The following DEFB134 variants were observed in gnomAD, a reference collection of about 807,000 sequenced individuals.
DEFB134 encodes the protein defensin beta 134.
DEFB134 carries 7 observed loss-of-function variants against 7.4 expected under a neutral mutation model. That is an observed-to-expected ratio of 0.95 (90% CI 0.54 to 1.79). The LOEUF (loss-of-function observed/expected upper bound fraction) is 1.79, where lower values mean the gene tolerates loss of function less well. Ranked by LOEUF, DEFB134 falls within the 40% of genes most tolerant of loss-of-function variation. The probability of loss-of-function intolerance (pLI) is 0.00; values close to 1 mark genes in which losing one functional copy is unlikely to be tolerated. For missense variants in DEFB134, 105 were observed against 74.8 expected (o/e 1.40, Z -1.49); for synonymous variants, 33 against 25.0 (o/e 1.32, Z -0.96).
chr8:11,997,773 A>C (rs1800164838), upstream of DEFB134, among the ~76,000 whole-genome samples: 1 of 152,180 alleles, frequency 6.6e-6, no homozygotes, highest in East Asian at 1.9e-4. Context: ...ATAATAACGA[A>C]AGACATTGAC....
upstream of DEFB134, among the ~76,000 whole-genome samples, chr8:11,997,836 T>C (rs1215429743): frequency 1.3e-5 from 2 of 152,146 alleles, no homozygotes; most frequent in African/African-American, 4.8e-5. Flanking sequence ...AATAAAGATA[T>C]TGAGGACCTA....
At chr8:11,997,206 C>T (rs756617845), upstream of DEFB134, among the ~76,000 whole-genome samples, 10 of 152,128 alleles carry the variant, frequency 6.6e-5, no homozygotes, top group Non-Finnish European at 1.3e-4. Context: ...TTCTTTTACT[C>T]AGCATAATTA....
upstream of DEFB134, among the ~76,000 whole-genome samples, chr8:11,997,170 A>G (rs76949811): frequency 0.033 from 5,056 of 152,276 alleles, 281 homozygotes; most frequent in African/African-American, 0.11. Flanking sequence ...ATAGAATAAT[A>G]TATTCTATAC....
chr8:12,000,075 T>G (rs1800231777), upstream of DEFB134, among the ~76,000 whole-genome samples: 1 of 152,250 alleles, frequency 6.6e-6, no homozygotes, highest in African/African-American at 2.4e-5. Flanking sequence ...TGTCTGACCC[T>G]GAGCCATACA....
At chr8:11,996,253 G>A in exon 1 of DEFB134, 3 of 1,613,634 alleles carry the variant, frequency 1.9e-6, no homozygotes, top group African/African-American at 2.7e-5. Flanking sequence ...AGGCTTCATG[G>A]CTGGGAACTT....
intron 1 of DEFB134, 78 bp from the exon 3 acceptor site, chr8:11,994,200 TCCAA>T: frequency 6.8e-7 from 1 of 1,475,584 alleles, no homozygotes; most frequent in Non-Finnish European, 9.1e-7. Flanking sequence ...TCAATTTTTA[TCCAA>T]CCGGATACCA....
chr8:11,996,371 CT>C, upstream of DEFB134: 1 of 1,103,938 alleles, frequency 9.1e-7, no homozygotes, highest in South Asian at 1.4e-5. Flanking sequence ...GTATGCCTCG[CT>C]TCAGGTAGAT....
At chr8:11,993,922 G>C (rs1221746484) in exon 2 of DEFB134, 1 of 1,576,150 alleles carries the variant, frequency 6.3e-7, no homozygotes, top group African/African-American at 1.4e-5. Context: ...CCCTGGTTTT[G>C]TGAAAGATGG....
chr8:11,993,647 T>C (rs4604485), exon 2 of DEFB134: 57,557 of 202,050 alleles, frequency 0.28, 9,943 homozygotes, highest in East Asian at 0.47. Flanking sequence ...GACTTAGGTG[T>C]CAAAAGTTGT....
chr8:11,995,707 T>A (rs1013050634), intron 1 of DEFB134, among the ~76,000 whole-genome samples: 1 of 152,250 alleles, frequency 6.6e-6, no homozygotes, highest in Non-Finnish European at 1.5e-5. Context: ...CAAATTGTGT[T>A]GTCACTATTT....
chr8:11,996,402 T>C, upstream of DEFB134: 1 of 668,724 alleles, frequency 1.5e-6, no homozygotes. Flanking sequence ...TGAACACCCC[T>C]GAGGCAGCCG....
chr8:11,998,175 G>T (rs114925396), upstream of DEFB134, among the ~76,000 whole-genome samples: 2 of 152,138 alleles, frequency 1.3e-5, no homozygotes, highest in Non-Finnish European at 2.9e-5. Context: ...TGGGCCAGGT[G>T]CAGTGGCTCA....
upstream of DEFB134, among the ~76,000 whole-genome samples, chr8:11,999,717 C>T (rs1179159026): frequency 6.6e-6 from 1 of 152,156 alleles, no homozygotes; most frequent in East Asian, 1.9e-4. Flanking sequence ...TTATCTAGAC[C>T]TCCCCTGGCT....
intron 1 of DEFB134, 123 bp from the exon 3 acceptor site, chr8:11,994,245 A>C: frequency 8.1e-7 from 1 of 1,230,928 alleles, no homozygotes; most frequent in Non-Finnish European, 1.1e-6. Context: ...TTGATCCTGT[A>C]ACTGAAAAAA....
intron 1 of DEFB134, 138 bp from the exon 3 acceptor site, chr8:11,994,260 T>A (rs1800060403): frequency 1.9e-6 from 2 of 1,079,708 alleles, no homozygotes; most frequent in African/African-American, 3.2e-5. Flanking sequence ...AAAAAATTAA[T>A]TAGTGGTAGG....
In DEFB134 at chr8:11,994,120, T is replaced by C. The variant is rs774646067; in HGVS notation, c.61A>G (p.Ile21Val). 3.1e-6 allele frequency: 5 copies of C among 1,609,984 alleles called. No individual in the cohort carries two copies. In the Admixed American group the frequency reaches 5.1e-5, roughly 16 times the overall value. Residue 21 changes from isoleucine (I) to valine (V), a missense_variant and splice_region_variant, in exon 2 of 2, where the codon ATA becomes GTA. By Grantham distance (29) the Ile-to-Val change is conservative (BLOSUM62 3). Coordinates refer to ENST00000526438, the Ensembl canonical transcript of DEFB134. The stretch of plus-strand genomic sequence containing the variant: ...TGCATTTCTGATGATAATGAATTTA[T>C]ACCTGGAAGGAAAATGAATAGAAAG...
chr8:11,997,455 C>T (rs1800157421), upstream of DEFB134, among the ~76,000 whole-genome samples: 1 of 152,106 alleles, frequency 6.6e-6, no homozygotes. Context: ...GGCTGGGCCA[C>T]AGCTGTATGT....
chr8:11,997,052 C>A (rs1020238820), upstream of DEFB134, among the ~76,000 whole-genome samples: 4 of 152,072 alleles, frequency 2.6e-5, no homozygotes, highest in South Asian at 8.3e-4. Flanking sequence ...TTTTTTCATG[C>A]CTTCTGTAAT....
chr8:12,000,566 T>C (rs1345686567), upstream of DEFB134, among the ~76,000 whole-genome samples: 1 of 152,190 alleles, frequency 6.6e-6, no homozygotes, highest in Non-Finnish European at 1.5e-5. Flanking sequence ...TGCAGACCTA[T>C]GATAAAGTTA....
Sources: gnomAD v4.1 joint callset for allele counts (sites outside exome capture counted in the v4.1 genomes callset) on GRCh38, gnomAD v4.1.1 for gene constraint, MANE v1.5 for transcripts, NCBI Gene and HGNC (gene_info 2026-07-23, HGNC 2026-07-21) for gene names.